Variants in KIAA1217 observed in about 807,000 individuals in gnomAD.
KIAA1217 encodes KIAA1217.
Under a neutral mutation model 163.9 loss-of-function variants are expected in KIAA1217, and 88 were observed. That is an observed-to-expected ratio of 0.54 (90% CI 0.45 to 0.64). The LOEUF (loss-of-function observed/expected upper bound fraction) is 0.64. KIAA1217 is among the 30% of genes least tolerant of loss of function. The pLI is 0.00. For missense variants in KIAA1217, 2,372 were observed against 2,475.0 expected (o/e 0.96, Z 0.88); for synonymous variants, 903 against 923.1 (o/e 0.98, Z 0.39).
chr10:23,988,207 A>G (rs933071336), intron 1 of KIAA1217, among the ~76,000 whole-genome samples: 7 of 152,192 alleles, frequency 4.6e-5, no homozygotes, highest in Non-Finnish European at 8.8e-5. Flanking sequence ...GTTTCTGCCA[A>G]TGAGAAGCAT....
intron 1 of KIAA1217, among the ~76,000 whole-genome samples, chr10:23,870,357 G>A (rs1840400105): frequency 2.0e-5 from 3 of 151,978 alleles, no homozygotes. Context: ...AGTACTTTGA[G>A]TTTCAAATTC....
chr10:24,464,409 C>G (rs913403609), intron 5 of KIAA1217, among the ~76,000 whole-genome samples: 1 of 152,100 alleles, frequency 6.6e-6, no homozygotes, highest in Non-Finnish European at 1.5e-5. Context: ...TTGAACCGAC[C>G]GACTCTCATT....
chr10:23,799,416 A>T (rs992738455), intron 1 of KIAA1217, among the ~76,000 whole-genome samples: 2 of 152,204 alleles, frequency 1.3e-5, no homozygotes, highest in African/African-American at 4.8e-5. Context: ...GTGAAGTACA[A>T]CACAGATGTG....
At chr10:23,828,465 G>A (rs1168121819) in intron 1 of KIAA1217, among the ~76,000 whole-genome samples, 3 of 152,068 alleles carry the variant, frequency 2.0e-5, no homozygotes, top group Non-Finnish European at 4.4e-5. Flanking sequence ...TTGATAGTTT[G>A]GTTTTATAAC....
At chr10:24,445,799 G>C (rs1161658925) in intron 5 of KIAA1217, among the ~76,000 whole-genome samples, 1 of 151,958 alleles carries the variant, frequency 6.6e-6, no homozygotes, top group Non-Finnish European at 1.5e-5. Flanking sequence ...ATTTGGGTTG[G>C]TTCCAAGTCT....
At chr10:24,384,472 C>G (rs1298932097) in intron 3 of KIAA1217, among the ~76,000 whole-genome samples, 1 of 152,128 alleles carries the variant, frequency 6.6e-6, no homozygotes, top group Admixed American at 6.5e-5. Context: ...TGATATCACC[C>G]AGAGTCCATA....
chr10:23,978,711 A>G (rs144582459), intron 1 of KIAA1217, among the ~76,000 whole-genome samples: 242 of 152,328 alleles, frequency 1.6e-3, no homozygotes, highest in African/African-American at 5.5e-3. Flanking sequence ...CACTGCAAAT[A>G]CATACTAGTA....
intron 1 of KIAA1217, among the ~76,000 whole-genome samples, chr10:23,757,572 C>A (rs1469381522): frequency 2.0e-5 from 3 of 152,012 alleles, no homozygotes; most frequent in African/African-American, 7.3e-5. Flanking sequence ...GGCTGGAGTG[C>A]AGTGGCGTGA....
chr10:23,828,446 C>T (rs1838008252), intron 1 of KIAA1217, among the ~76,000 whole-genome samples: 1 of 152,044 alleles, frequency 6.6e-6, no homozygotes, highest in Admixed American at 6.6e-5. Context: ...GGCTGGTGAT[C>T]CTATTACATT....
chr10:23,851,022 T>C (rs1839285972), intron 1 of KIAA1217, among the ~76,000 whole-genome samples: 1 of 152,000 alleles, frequency 6.6e-6, no homozygotes, highest in Non-Finnish European at 1.5e-5. Context: ...TTTTTTTTAT[T>C]ATTATTATAC....
intron 2 of KIAA1217, among the ~76,000 whole-genome samples, chr10:24,182,311 C>G (rs1181273048): frequency 6.6e-6 from 1 of 152,140 alleles, no homozygotes; most frequent in African/African-American, 2.4e-5. Context: ...TGGTGTGCAC[C>G]TGTAGTGCCA....
intron 1 of KIAA1217, among the ~76,000 whole-genome samples, chr10:23,757,742 T>A (rs1430069317): frequency 6.6e-6 from 1 of 152,182 alleles, no homozygotes; most frequent in African/African-American, 2.4e-5. Flanking sequence ...GGTCTTGAAC[T>A]CCTGACCTCA....
intron 2 of KIAA1217, among the ~76,000 whole-genome samples, chr10:24,324,355 T>A (rs1407569409): frequency 6.6e-6 from 1 of 152,046 alleles, no homozygotes; most frequent in Non-Finnish European, 1.5e-5. Flanking sequence ...TCGCTTGAGG[T>A]CAGGAGTTTA....
intron 16 of KIAA1217, among the ~76,000 whole-genome samples, chr10:24,533,967 C>A (rs1482482327): frequency 1.3e-5 from 2 of 152,130 alleles, no homozygotes; most frequent in South Asian, 2.1e-4. Context: ...TAAACAATTC[C>A]TAGAACAAAC....
chr10:24,457,632 T>C (rs2061943319), intron 5 of KIAA1217, among the ~76,000 whole-genome samples: 2 of 152,068 alleles, frequency 1.3e-5, no homozygotes, highest in South Asian at 4.2e-4. Context: ...AACTCCTGGC[T>C]TCTAGCCATC....
intron 5 of KIAA1217, among the ~76,000 whole-genome samples, chr10:24,473,006 C>A (rs533289959): frequency 6.6e-6 from 1 of 152,336 alleles, no homozygotes; most frequent in African/African-American, 2.4e-5. Flanking sequence ...TATAAAGACC[C>A]TTGTGATTGC....
intron 2 of KIAA1217, among the ~76,000 whole-genome samples, chr10:24,146,250 C>T (rs2131845457): frequency 6.6e-6 from 1 of 152,228 alleles, no homozygotes; most frequent in East Asian, 1.9e-4. Flanking sequence ...TTTAGTTTCC[C>T]TCAAAGCATT....
chr10:23,911,578 C>A (rs1176369072), intron 1 of KIAA1217, among the ~76,000 whole-genome samples: 1 of 152,082 alleles, frequency 6.6e-6, no homozygotes, highest in Non-Finnish European at 1.5e-5. Flanking sequence ...CTTTCCTTAC[C>A]CAATTCCCAA....
intron 2 of KIAA1217, among the ~76,000 whole-genome samples, chr10:24,104,916 C>A (rs1399065043): frequency 6.6e-6 from 1 of 152,184 alleles, no homozygotes; most frequent in African/African-American, 2.4e-5. Flanking sequence ...ATTAAGGATG[C>A]TCTTCATCTG....
Sources: allele counts gnomAD v4.1 joint callset (sites outside exome capture counted in the v4.1 genomes callset), GRCh38; gene constraint gnomAD v4.1.1; transcripts MANE v1.5; gene names NCBI Gene and HGNC (gene_info 2026-07-23, HGNC 2026-07-21).